The following MNAT1 variants were observed in gnomAD, a reference collection of about 807,000 sequenced individuals.
The protein encoded by MNAT1 is CDK-activating kinase assembly factor MAT1.
MNAT1 carries 43 observed loss-of-function variants against 42.0 expected under a neutral mutation model. That is an observed-to-expected ratio of 1.02 (90% CI 0.80 to 1.32). MNAT1 has a LOEUF of 1.32. Ranked by LOEUF, MNAT1 falls within the 40% of genes most tolerant of loss-of-function variation. The pLI is 0.00. For synonymous variants in MNAT1, 118 were observed against 120.0 expected, an observed-to-expected ratio of 0.98 and a Z score of 0.11; for missense variants, 306 against 350.4, an observed-to-expected ratio of 0.87 and a Z score of 1.01.
At chr14:60,924,402 A>G (rs970886070) in intron 7 of MNAT1, among the ~76,000 whole-genome samples, 2 of 140,590 alleles carry the variant, frequency 1.4e-5, no homozygotes, top group African/African-American at 2.5e-5. Flanking sequence ...AAAAAAAAAA[A>G]CTGTACTCCA....
intron 7 of MNAT1, among the ~76,000 whole-genome samples, chr14:60,956,381 A>G (rs1016505670): frequency 1.3e-5 from 2 of 152,188 alleles, no homozygotes; most frequent in Non-Finnish European, 2.9e-5. Flanking sequence ...ATATGATTTC[A>G]GTCTTACTAA....
intron 6 of MNAT1, among the ~76,000 whole-genome samples, chr14:60,849,118 A>G (rs570594301): frequency 6.6e-4 from 100 of 152,344 alleles, no homozygotes; most frequent in African/African-American, 2.4e-3. Context: ...AATTTCTTAA[A>G]CAGTGTTTGT....
At chr14:60,773,533 G>T (rs541546466) in intron 1 of MNAT1, among the ~76,000 whole-genome samples, 2 of 152,220 alleles carry the variant, frequency 1.3e-5, no homozygotes, top group Admixed American at 1.3e-4. Context: ...ATCAATTGGG[G>T]TTTGGTCAGG....
chr14:60,799,397 T>C (rs1310243566), intron 3 of MNAT1: 6 of 985,164 alleles, frequency 6.1e-6, no homozygotes, highest in Middle Eastern at 5.2e-4. Context: ...TGAAGGTATG[T>C]AGAAATCTGG....
chr14:60,896,789 A>T (rs1333063102), intron 7 of MNAT1, among the ~76,000 whole-genome samples: 1 of 152,110 alleles, frequency 6.6e-6, no homozygotes, highest in Non-Finnish European at 1.5e-5. Context: ...CCTGGCCATA[A>T]CTACTATTTT....
At position 60,762,438 on chromosome 14, in the gene MNAT1, A is replaced by G. The variant is rs142152975; in HGVS notation, c.89+27487A>G. Among the ~76,000 whole-genome samples, 919 of 152,126 alleles carry G rather than the reference A, an allele frequency of 6.0e-3. 11 individuals carry two copies. Among genetic ancestry groups the G allele is most frequent in the African/African-American group, 0.02 (836 of 41,510 alleles). On this transcript the variant is annotated intron_variant, in intron 1 of 7. Transcript: ENST00000261245. ...CTCACACCTGTAATCCCAGCAATTT[A>G]GGAGGTGGAGGTGGGAGGATCACCT...
intron 5 of MNAT1, among the ~76,000 whole-genome samples, chr14:60,817,672 A>G (rs2032756260): frequency 6.6e-6 from 1 of 152,056 alleles, no homozygotes; most frequent in Admixed American, 6.5e-5. Context: ...AGATTTGGAA[A>G]GAAAATTAAA....
chr14:60,941,423 G>A (rs2036157222), intron 7 of MNAT1, among the ~76,000 whole-genome samples: 5 of 152,108 alleles, frequency 3.3e-5, no homozygotes, highest in African/African-American at 9.7e-5. Flanking sequence ...CTGATGGCTC[G>A]GCACACTGGC....
chr14:60,735,413 C>G (rs1292983990), intron 1 of MNAT1, among the ~76,000 whole-genome samples: 1 of 152,152 alleles, frequency 6.6e-6, no homozygotes, highest in Non-Finnish European at 1.5e-5. Context: ...TGTGTATGCC[C>G]ACTTGTCCTG....
chr14:60,925,226 C>T (rs1403185826), intron 7 of MNAT1, among the ~76,000 whole-genome samples: 1 of 152,178 alleles, frequency 6.6e-6, no homozygotes, highest in East Asian at 1.9e-4. Context: ...CAAGTATATG[C>T]TCCCTGGTGT....
intron 1 of MNAT1, among the ~76,000 whole-genome samples, chr14:60,768,983 A>G (rs1364551575): frequency 6.6e-6 from 1 of 152,218 alleles, no homozygotes; most frequent in Non-Finnish European, 1.5e-5. Flanking sequence ...TTTTGCATAC[A>G]AAAAGTGTAT....
At chr14:60,787,850 C>T (rs914425930) in intron 1 of MNAT1, among the ~76,000 whole-genome samples, 1 of 152,146 alleles carries the variant, frequency 6.6e-6, no homozygotes, top group Non-Finnish European at 1.5e-5. Context: ...CTAGTTCTCT[C>T]GCTGTTTCTG....
rs573805809 is a variant in MNAT1, at chr14:60,837,423, G to A, written c.687+18576G>A. Among the ~76,000 whole-genome samples the A allele has an allele frequency of 2.9e-4, 44 of 152,254 alleles. No individual in the cohort carries two copies. In the South Asian group the frequency reaches 8.9e-3, roughly 31 times the overall value. Reference sequence around the variant, plus strand: ...GAAAGCATAGTATCTTGGCTGGAGGGCACCGTTCCTCACGGTGCAGTCCCT... The same window carrying A: ...GAAAGCATAGTATCTTGGCTGGAGGACACCGTTCCTCACGGTGCAGTCCCT... On this transcript the variant is annotated intron_variant, in intron 6 of 7. Coordinates refer to ENST00000261245, the MANE Select transcript of MNAT1 (RefSeq NM_002431.4).
chr14:60,845,044 GC>G (rs993462853), intron 6 of MNAT1, among the ~76,000 whole-genome samples: 4 of 151,866 alleles, frequency 2.6e-5, no homozygotes, highest in African/African-American at 9.7e-5. Context: ...CAGGGATATG[GC>G]TCTATACTTT....
intron 7 of MNAT1, among the ~76,000 whole-genome samples, chr14:60,939,824 G>C (rs987637409): frequency 1.3e-5 from 2 of 152,112 alleles, no homozygotes; most frequent in East Asian, 3.9e-4. Context: ...CTAACGTTGA[G>C]AGTGGGGTGT....
chr14:60,890,502 G>T (rs1036458485), intron 7 of MNAT1, among the ~76,000 whole-genome samples: 22 of 152,112 alleles, frequency 1.4e-4, no homozygotes, highest in Non-Finnish European at 3.1e-4. Flanking sequence ...CGATCACAAG[G>T]TGAAGCCCCA....
intron 6 of MNAT1, among the ~76,000 whole-genome samples, chr14:60,871,662 G>A (rs2034326203): frequency 6.7e-6 from 1 of 150,112 alleles, no homozygotes; most frequent in African/African-American, 2.5e-5. Flanking sequence ...CACTCTTGTT[G>A]CCCAGGATGG....
At chr14:60,873,686 G>A (rs2034377353) in intron 6 of MNAT1, among the ~76,000 whole-genome samples, 1 of 148,376 alleles carries the variant, frequency 6.7e-6, no homozygotes, top group African/African-American at 2.5e-5. Flanking sequence ...GCCCAGGCTG[G>A]TCTCAAGCAC....
intron 7 of MNAT1, among the ~76,000 whole-genome samples, chr14:60,963,268 C>A (rs1196573995): frequency 6.6e-6 from 1 of 152,208 alleles, no homozygotes; most frequent in Non-Finnish European, 1.5e-5. Context: ...GCATGAGCCA[C>A]CACACCCAGC....
Sources: gnomAD v4.1 joint callset for allele counts (sites outside exome capture counted in the v4.1 genomes callset) on GRCh38, gnomAD v4.1.1 for gene constraint, MANE v1.5 for transcripts, NCBI Gene and HGNC (gene_info 2026-07-23, HGNC 2026-07-21) for gene names.